PTPRG: variants seen among roughly 807,000 people sequenced by gnomAD.
The protein encoded by PTPRG is receptor-type tyrosine-protein phosphatase gamma.
Under a neutral mutation model 165.3 loss-of-function variants are expected in PTPRG, and 102 were observed. The observed-to-expected ratio is 0.62, with a 90% CI of 0.53 to 0.73. PTPRG has a LOEUF of 0.73. Ranked by LOEUF, PTPRG falls within the 30% of genes least tolerant of loss-of-function variation. PTPRG has a pLI of 0.00. For missense variants in PTPRG, 1,866 were observed against 1,861.4 expected, an observed-to-expected ratio of 1.00 and a Z score of -0.05; for synonymous variants, 675 against 669.5, an observed-to-expected ratio of 1.01 and a Z score of -0.13.
chr3:61,724,558 A>T (rs993447229), intron 1 of PTPRG, among the ~76,000 whole-genome samples: 1 of 152,040 alleles, frequency 6.6e-6, no homozygotes, highest in African/African-American at 2.4e-5. Flanking sequence ...AGTTTTTTTT[A>T]CTGCCAGGCT....
intron 2 of PTPRG, among the ~76,000 whole-genome samples, chr3:61,963,545 AG>A (rs1225044230): frequency 6.6e-6 from 1 of 152,216 alleles, no homozygotes; most frequent in Non-Finnish European, 1.5e-5. Flanking sequence ...GAGACTACCA[AG>A]TTAAGTACTT....
intron 8 of PTPRG, among the ~76,000 whole-genome samples, chr3:62,169,147 A>G (rs1399945528): frequency 6.6e-6 from 1 of 152,102 alleles, no homozygotes; most frequent in Admixed American, 6.5e-5. Context: ...CCAAAAGGCA[A>G]CTTTTGGTCA....
intron 1 of PTPRG, among the ~76,000 whole-genome samples, chr3:61,660,330 G>C (rs748285403): frequency 3.3e-5 from 5 of 152,230 alleles, no homozygotes; most frequent in Admixed American, 6.5e-5. Flanking sequence ...TTTAATGCAG[G>C]TGGCAGCTTG....
intron 2 of PTPRG, among the ~76,000 whole-genome samples, chr3:61,987,099 T>C (rs930395380): frequency 1.3e-5 from 2 of 152,226 alleles, no homozygotes; most frequent in Non-Finnish European, 2.9e-5. Flanking sequence ...GATGTGAGAA[T>C]AGATAATCAA....
At position 62,037,056 on chromosome 3, in the gene PTPRG, A is replaced by G. The variant is rs143246549; in HGVS notation, c.519+33559A>G. Among the ~76,000 whole-genome samples, 6 of 151,956 alleles carry G rather than the reference A, an allele frequency of 3.9e-5. No homozygotes were observed. The East Asian group carries it at 7.7e-4, about 20-fold the overall frequency. On this transcript the variant is annotated intron_variant, in intron 4 of 29. Coordinates refer to ENST00000474889, the MANE Select transcript of PTPRG (RefSeq NM_002841.4). ...CCACTAATAGTAATTATTTAATGATAATAATCTTTGCTTGCATTATCTAAT... is the reference window on the plus strand; with the variant it reads ...CCACTAATAGTAATTATTTAATGATGATAATCTTTGCTTGCATTATCTAAT...
chr3:61,854,992 T>C (rs2037060689), intron 2 of PTPRG, among the ~76,000 whole-genome samples: 2 of 152,218 alleles, frequency 1.3e-5, no homozygotes, highest in African/African-American at 2.4e-5. Context: ...CGCTGGTTTA[T>C]AGTGGTATGA....
At chr3:61,859,655 C>T (rs970985736) in intron 2 of PTPRG, among the ~76,000 whole-genome samples, 23 of 151,260 alleles carry the variant, frequency 1.5e-4, no homozygotes, top group South Asian at 4.2e-4. Flanking sequence ...TATTTATGAG[C>T]AAGGAACTTG....
intron 4 of PTPRG, among the ~76,000 whole-genome samples, chr3:62,061,010 A>G (rs1364820841): frequency 6.6e-6 from 1 of 152,324 alleles, no homozygotes; most frequent in East Asian, 1.9e-4. Flanking sequence ...ATTGTCAATG[A>G]ACGTGTCTGT....
At chr3:62,084,117 T>A (rs1345812217) in intron 5 of PTPRG, among the ~76,000 whole-genome samples, 1 of 152,234 alleles carries the variant, frequency 6.6e-6, no homozygotes, top group Non-Finnish European at 1.5e-5. Flanking sequence ...CAGCCTCCTT[T>A]ATGGCTGTGG....
chr3:61,991,784 T>G (rs1270353624), intron 3 of PTPRG, among the ~76,000 whole-genome samples: 1 of 152,230 alleles, frequency 6.6e-6, no homozygotes, highest in Non-Finnish European at 1.5e-5. Flanking sequence ...TACGGTTTTC[T>G]ACTTGACTTG....
intron 1 of PTPRG, among the ~76,000 whole-genome samples, chr3:61,617,949 AT>A (rs1179847361): frequency 6.6e-6 from 1 of 152,236 alleles, no homozygotes; most frequent in Non-Finnish European, 1.5e-5. Flanking sequence ...GCTGCAGACC[AT>A]TTTAAGGAAT....
At chr3:61,964,681 T>C (rs1178482972) in intron 2 of PTPRG, among the ~76,000 whole-genome samples, 1 of 152,156 alleles carries the variant, frequency 6.6e-6, no homozygotes, top group Non-Finnish European at 1.5e-5. Context: ...ACCACTTTTT[T>C]CCACTCTTTA....
chr3:61,734,601 T>C (rs913823106), intron 1 of PTPRG, among the ~76,000 whole-genome samples: 2 of 152,248 alleles, frequency 1.3e-5, no homozygotes, highest in East Asian at 1.9e-4. Context: ...ATGCGATGTC[T>C]TTCTCGTTTG....
At chr3:62,030,698 A>G (rs1288209001) in intron 4 of PTPRG, among the ~76,000 whole-genome samples, 1 of 152,202 alleles carries the variant, frequency 6.6e-6, no homozygotes, top group East Asian at 1.9e-4. Context: ...CAGTTAATGA[A>G]CAGCAAACAG....
chr3:61,630,869 A>C (rs905793874), intron 1 of PTPRG, among the ~76,000 whole-genome samples: 1 of 152,048 alleles, frequency 6.6e-6, no homozygotes, highest in Non-Finnish European at 1.5e-5. Flanking sequence ...CAGCCTGGCC[A>C]ATATGGTAAA....
chr3:61,878,941 A>G (rs1473173462), intron 2 of PTPRG, among the ~76,000 whole-genome samples: 2 of 152,256 alleles, frequency 1.3e-5, no homozygotes, highest in Admixed American at 6.5e-5. Context: ...TTATAAGATC[A>G]CTAACCTGTG....
At chr3:61,829,129 G>A (rs1362883125) in intron 2 of PTPRG, among the ~76,000 whole-genome samples, 1 of 152,192 alleles carries the variant, frequency 6.6e-6, no homozygotes, top group Admixed American at 6.5e-5. Context: ...GGGATATGAA[G>A]GAAGATACTC....
intron 1 of PTPRG, among the ~76,000 whole-genome samples, chr3:61,565,125 T>C (rs1207528921): frequency 6.6e-6 from 1 of 152,216 alleles, no homozygotes; most frequent in East Asian, 1.9e-4. Context: ...CAGCTCCTGT[T>C]CAGGATATGG....
At chr3:62,167,844 T>C in intron 7 of PTPRG, 127 bp from the exon 8 acceptor site, 1 of 906,334 alleles carries the variant, frequency 1.1e-6, no homozygotes, top group East Asian at 2.5e-5. Flanking sequence ...GCCCTGGCAT[T>C]GGGCACTTCC....
Sources: allele counts gnomAD v4.1 joint callset (sites outside exome capture counted in the v4.1 genomes callset), GRCh38; gene constraint gnomAD v4.1.1; transcripts MANE v1.5; gene names NCBI Gene and HGNC (gene_info 2026-07-23, HGNC 2026-07-21).